The following STK3 variants were observed in gnomAD, a reference collection of about 807,000 sequenced individuals.
STK3 encodes serine/threonine-protein kinase 3.
A neutral mutation model predicts 58.0 loss-of-function variants in STK3; 41 were observed. The observed-to-expected ratio is 0.71, with a 90% confidence interval of 0.55 to 0.92. The LOEUF (loss-of-function observed/expected upper bound fraction) is 0.92, where lower values mean the gene tolerates loss of function less well. STK3 is among the 40% of genes least tolerant of loss of function. The pLI is 0.00. For missense variants in STK3, 479 were observed against 602.7 expected (o/e 0.79, Z 2.15); for synonymous variants, 170 against 191.0 (o/e 0.89, Z 0.91).
Position 98,666,000 on chromosome 8 carries a change from G to A in STK3, c.684+40467C>T, listed in dbSNP as rs556267603. ...TTACAGGCGTGAGCCACCGCACCTGGCCCCATCCTGATTTTTAAGGAAACT... is the reference window on the plus strand; with the variant it reads ...TTACAGGCGTGAGCCACCGCACCTGACCCCATCCTGATTTTTAAGGAAACT... On this transcript the variant is annotated intron_variant, in intron 6 of 10. Coordinates refer to ENST00000419617, the MANE Select transcript of STK3 (RefSeq NM_006281.4). Among the ~76,000 whole-genome samples the A allele has an allele frequency of 3.0e-4, 45 of 151,912 alleles. No homozygotes were observed. In the South Asian group the frequency reaches 9.0e-3, roughly 30 times the overall value.
At chr8:98,612,474 G>T (rs1272824532) in intron 6 of STK3, among the ~76,000 whole-genome samples, 1 of 148,424 alleles carries the variant, frequency 6.7e-6, no homozygotes, top group East Asian at 1.9e-4. Flanking sequence ...TATATAGAGA[G>T]ATTCTAATAT....
At chr8:98,720,291 T>C (rs1443816702) in intron 4 of STK3, among the ~76,000 whole-genome samples, 1 of 152,232 alleles carries the variant, frequency 6.6e-6, no homozygotes, top group Non-Finnish European at 1.5e-5. Flanking sequence ...ACACTTATTA[T>C]TATTCCTTTT....
At position 98,745,880 on chromosome 8, in the gene STK3, A is replaced by G. The variant is rs575868592; in HGVS notation, c.351+3396T>C. On this transcript the variant is annotated intron_variant, in intron 4 of 10. Transcript: ENST00000419617. ...CTTCATCATTGTGTGAACATCACAGAGTGTGTTTACACAAACCTAGATGGT... is the reference window on the plus strand; with the variant it reads ...CTTCATCATTGTGTGAACATCACAGGGTGTGTTTACACAAACCTAGATGGT... 9.2e-5 allele frequency among the ~76,000 whole-genome samples: 14 copies of G among 152,368 alleles called. 1 individual carries two copies. In the South Asian group the frequency reaches 2.9e-3, roughly 32 times the overall value.
chr8:98,767,954 C>A (rs1339765711), intron 2 of STK3, among the ~76,000 whole-genome samples: 1 of 152,188 alleles, frequency 6.6e-6, no homozygotes, highest in Non-Finnish European at 1.5e-5. Flanking sequence ...TACAAACTCA[C>A]AGGTAAATAA....
intron 4 of STK3, among the ~76,000 whole-genome samples, chr8:98,714,939 G>A (rs1826873476): frequency 6.6e-6 from 1 of 151,926 alleles, no homozygotes; most frequent in South Asian, 2.1e-4. Context: ...CAGAGAAACA[G>A]ACCAATGGAA....
chr8:98,720,991 C>A, intron 4 of STK3: 1 of 693,162 alleles, frequency 1.4e-6, no homozygotes, highest in Non-Finnish European at 1.8e-6. Flanking sequence ...GCTCAGCATT[C>A]AAATTTAAAT....
intron 6 of STK3, among the ~76,000 whole-genome samples, chr8:98,661,756 T>C (rs1821980293): frequency 1.3e-5 from 2 of 152,122 alleles, no homozygotes; most frequent in Non-Finnish European, 2.9e-5. Flanking sequence ...TTAAGAGTTA[T>C]TTAGGATCCC....
intron 9 of STK3, among the ~76,000 whole-genome samples, chr8:98,527,958 A>G (rs535256649): frequency 2.6e-5 from 4 of 152,304 alleles, no homozygotes; most frequent in Non-Finnish European, 5.9e-5. Flanking sequence ...TTCTATCTCC[A>G]CTAAAGTCAA....
intron 4 of STK3, among the ~76,000 whole-genome samples, chr8:98,733,259 T>A (rs1828336894): frequency 6.6e-6 from 1 of 152,212 alleles, no homozygotes. Context: ...ATAACTCCTA[T>A]TCTTTCAAGA....
chr8:98,406,142 C>T (rs1817990435), intron 3 of STK3, among the ~76,000 whole-genome samples: 1 of 152,152 alleles, frequency 6.6e-6, no homozygotes, highest in Non-Finnish European at 1.5e-5. Flanking sequence ...CTTCATTCTC[C>T]AATCCTCCAG....
chr8:98,604,355 C>T (rs1816605493), intron 6 of STK3, among the ~76,000 whole-genome samples: 1 of 152,224 alleles, frequency 6.6e-6, no homozygotes, highest in Non-Finnish European at 1.5e-5. Context: ...CCACTCCATC[C>T]CTATGGCCCT....
At chr8:98,756,672 T>G (rs572148344) in intron 3 of STK3, among the ~76,000 whole-genome samples, 1 of 152,366 alleles carries the variant, frequency 6.6e-6, no homozygotes, top group East Asian at 1.9e-4. Flanking sequence ...TTTTATTTTC[T>G]GTATTCTTGA....
intron 6 of STK3, among the ~76,000 whole-genome samples, chr8:98,672,456 T>C (rs1822903577): frequency 6.6e-6 from 1 of 152,224 alleles, no homozygotes; most frequent in Non-Finnish European, 1.5e-5. Flanking sequence ...ATATATCTGA[T>C]ATTACAATAA....
At chr8:98,386,964 G>T (rs760555392) in intron 1 of STK3, among the ~76,000 whole-genome samples, 1 of 151,300 alleles carries the variant, frequency 6.6e-6, no homozygotes, top group Non-Finnish European at 1.5e-5. Flanking sequence ...TCTCAAAAAC[G>T]AACAAACAAA....
At chr8:98,646,650 C>T (rs898353046) in intron 6 of STK3, among the ~76,000 whole-genome samples, 1 of 152,166 alleles carries the variant, frequency 6.6e-6, no homozygotes, top group South Asian at 2.1e-4. Flanking sequence ...TATTCTCCCT[C>T]TGTCCCTCTC....
chr8:98,729,104 TTATTTATG>T (rs1272416292), intron 4 of STK3, among the ~76,000 whole-genome samples: 1 of 152,126 alleles, frequency 6.6e-6, no homozygotes, highest in Non-Finnish European at 1.5e-5. Context: ...GGTTATTTGG[TTATTTATG>T]TATTTATATG....
chr8:98,827,642 C>G (rs1835364272), upstream of STK3, among the ~76,000 whole-genome samples: 1 of 152,014 alleles, frequency 6.6e-6, no homozygotes, highest in Non-Finnish European at 1.5e-5. Flanking sequence ...ATTCTGAGAA[C>G]AAGAAAAAGG....
intron 3 of STK3, among the ~76,000 whole-genome samples, chr8:98,844,166 A>T (rs1836105544): frequency 6.6e-6 from 1 of 152,192 alleles, no homozygotes; most frequent in Non-Finnish European, 1.5e-5. Flanking sequence ...AAAATTTAAA[A>T]AGGCATTTTG....
chr8:98,380,444 T>G (rs1817720506), intron 1 of STK3, among the ~76,000 whole-genome samples: 1 of 152,218 alleles, frequency 6.6e-6, no homozygotes, highest in African/African-American at 2.4e-5. Flanking sequence ...TGTAGGACAC[T>G]CAAGTGATGT....
Sources: allele counts gnomAD v4.1 joint callset (sites outside exome capture counted in the v4.1 genomes callset), GRCh38; gene constraint gnomAD v4.1.1; transcripts MANE v1.5; gene names NCBI Gene and HGNC (gene_info 2026-07-23, HGNC 2026-07-21).